Variants in TMC1 observed in about 807,000 individuals in gnomAD.
TMC1 encodes transmembrane channel-like protein 1.
TMC1 carries 84 observed loss-of-function variants against 105.8 expected under a neutral mutation model. That is an observed-to-expected ratio of 0.79 (90% CI 0.67 to 0.95). The LOEUF (loss-of-function observed/expected upper bound fraction) is 0.95, where lower values mean the gene tolerates loss of function less well. Ranked by LOEUF, TMC1 falls within the 40% of genes least tolerant of loss-of-function variation. TMC1 has a pLI of 0.00. For missense variants in TMC1, 817 were observed against 914.1 expected (o/e 0.89, Z 1.37); for synonymous variants, 315 against 311.5 (o/e 1.01, Z -0.12).
At chr9:72,794,416 A>G (rs1366040026) in intron 17 of TMC1, among the ~76,000 whole-genome samples, 1 of 152,182 alleles carries the variant, frequency 6.6e-6, no homozygotes, top group African/African-American at 2.4e-5. Context: ...GTGCGGCAAC[A>G]CAGGGGAGCC....
At chr9:72,599,773 G>A (rs945460078) in intron 2 of TMC1, among the ~76,000 whole-genome samples, 1 of 150,184 alleles carries the variant, frequency 6.7e-6, no homozygotes, top group Non-Finnish European at 1.5e-5. Flanking sequence ...TCATGCCATT[G>A]CACTCCAGCC....
At chr9:72,657,391 G>A (rs1269789544) in intron 5 of TMC1, among the ~76,000 whole-genome samples, 2 of 152,310 alleles carry the variant, frequency 1.3e-5, no homozygotes, top group Admixed American at 6.5e-5. Flanking sequence ...AGTTGCTTAA[G>A]GTAAGAAGGT....
chr9:72,583,881 GA>G (rs1485288288), intron 2 of TMC1, among the ~76,000 whole-genome samples: 1 of 152,140 alleles, frequency 6.6e-6, no homozygotes, highest in African/African-American at 2.4e-5. Context: ...ACAAATAAAT[GA>G]ATAAGTCAAT....
At chr9:72,523,793 C>A (rs1283782039) in intron 1 of TMC1, among the ~76,000 whole-genome samples, 1 of 151,792 alleles carries the variant, frequency 6.6e-6, no homozygotes, top group Non-Finnish European at 1.5e-5. Flanking sequence ...CTGACTTGTT[C>A]AGAGTCAACT....
At chr9:72,679,899 A>G (rs1564486784) in intron 5 of TMC1, among the ~76,000 whole-genome samples, 1 of 152,120 alleles carries the variant, frequency 6.6e-6, no homozygotes, top group Non-Finnish European at 1.5e-5. Context: ...AAAATTCTCC[A>G]TTAAATGGCA....
intron 5 of TMC1, chr9:72,651,092 TATATATATCAC>T (rs1825808186): frequency 6.8e-6 from 1 of 147,580 alleles, no homozygotes; most frequent in African/African-American, 2.5e-5. Flanking sequence ...AATATATAGA[TATATATATCAC>T]ATATATATAG....
At position 72,753,220 on chromosome 9, in the gene TMC1, C is replaced by T. The variant is rs139640689; in HGVS notation, c.642+1264C>T. 5.7e-3 allele frequency among the ~76,000 whole-genome samples: 863 copies of T among 151,114 alleles called. 10 individuals are homozygous for T. Among genetic ancestry groups the T allele is most frequent in the Middle Eastern group, 0.017 (5 of 286 alleles). Reference sequence around the variant, plus strand: ...TCAGAGGTCCTGTGTAGTTTATTTCCCAAGTGCACACTTTCAGGTAATGAA... The same window carrying T: ...TCAGAGGTCCTGTGTAGTTTATTTCTCAAGTGCACACTTTCAGGTAATGAA... On this transcript the variant is annotated intron_variant, in intron 11 of 23. Coordinates refer to ENST00000297784, the MANE Select transcript of TMC1 (RefSeq NM_138691.3).
intron 12 of TMC1, among the ~76,000 whole-genome samples, chr9:72,771,406 C>G (rs1051910078): frequency 1.3e-5 from 2 of 152,176 alleles, no homozygotes; most frequent in Non-Finnish European, 2.9e-5. Context: ...TTTCTACTTT[C>G]TTTTCCACAC....
At chr9:72,817,257 T>TATTATA (rs1828802630) in intron 19 of TMC1, 1 of 152,156 alleles carries the variant, frequency 6.6e-6, no homozygotes, top group African/African-American at 2.4e-5. Flanking sequence ...ATGGAAAAGA[T>TATTATA]ATTATAAAAA....
chr9:72,555,193 G>GTT (rs35020451), intron 1 of TMC1, among the ~76,000 whole-genome samples: 26 of 130,692 alleles, frequency 2.0e-4, no homozygotes, highest in Non-Finnish European at 3.4e-4. Context: ...TTTTGATTCT[G>GTT]TTTTTTTTTT....
At chr9:72,725,325 G>GTATA (rs57562145) in intron 8 of TMC1, among the ~76,000 whole-genome samples, 4,568 of 76,622 alleles carry the variant, frequency 0.06, 312 homozygotes, top group South Asian at 0.088. Context: ...ATGTGTGTAT[G>GTATA]TATATATATA....
In TMC1 at chr9:72,525,067, G is replaced by T. The variant is rs149118600; in HGVS notation, c.-428+3154G>T. Among the ~76,000 whole-genome samples the T allele has an allele frequency of 6.2e-3, 948 of 152,296 alleles. 5 individuals carry two copies. The highest frequency in any genetic ancestry group is 0.015 in the Admixed American group (224 of 15,290). On this transcript the variant is annotated intron_variant, in intron 1 of 23. Transcript: ENST00000297784. ...GGCCGGCTTCAAGGACATAAGAAAG[G>T]GCATATTCAAAACAAATACATGTAT...
At chr9:72,693,306 A>G (rs1826498814) in intron 6 of TMC1, among the ~76,000 whole-genome samples, 1 of 152,196 alleles carries the variant, frequency 6.6e-6, no homozygotes, top group Non-Finnish European at 1.5e-5. Flanking sequence ...ATATTTAACT[A>G]ATAAAACAAC....
At chr9:72,522,347 C>T (rs1823327992) in intron 1 of TMC1, among the ~76,000 whole-genome samples, 1 of 152,090 alleles carries the variant, frequency 6.6e-6, no homozygotes, top group East Asian at 1.9e-4. Flanking sequence ...GTGATCCGCC[C>T]GCCTCAGCCT....
chr9:72,755,501 A>G (rs1047558585), intron 12 of TMC1, among the ~76,000 whole-genome samples: 7 of 152,222 alleles, frequency 4.6e-5, no homozygotes, highest in African/African-American at 1.7e-4. Flanking sequence ...TAGTATTCAA[A>G]TGAGCATTAC....
chr9:72,707,623 C>A (rs1260352048), intron 8 of TMC1, among the ~76,000 whole-genome samples: 2 of 151,714 alleles, frequency 1.3e-5, no homozygotes, highest in Non-Finnish European at 2.9e-5. Context: ...ATTTTTCTTG[C>A]TAATTTGTTT....
At chr9:72,824,365 G>A (rs1564579423) in intron 20 of TMC1, among the ~76,000 whole-genome samples, 1 of 152,266 alleles carries the variant, frequency 6.6e-6, no homozygotes, top group Non-Finnish European at 1.5e-5. Context: ...GGGCCAGTGT[G>A]ACAGTCTTTC....
At position 72,792,243 on chromosome 9, in the gene TMC1, T is replaced by G; in HGVS notation, c.1457T>G (p.Met486Arg). The change falls in exon 17 of 24, where the codon ATG becomes AGG. Residue 486 changes from methionine to arginine, a missense_variant. Physicochemically the swap from Met to Arg is moderately conservative, Grantham distance 91 (BLOSUM62 -1). Coordinates refer to ENST00000297784, the MANE Select transcript of TMC1 (RefSeq NM_138691.3). ...KANITLWEANMIKAYNASFSE... is the reference protein window; with the variant it reads ...KANITLWEANRIKAYNASFSE... ...AATATTACCCTTTGGGAAGCCAATA[T>G]GATCAAGGCCTACAATGCATCATTC... The G allele has an allele frequency of 6.2e-7, 1 of 1,614,178 alleles. No homozygotes were observed. The highest frequency in any genetic ancestry group is 2.2e-5 in the East Asian group (1 of 44,870).
chr9:72,552,007 C>G (rs900789720), intron 1 of TMC1, among the ~76,000 whole-genome samples: 1 of 152,062 alleles, frequency 6.6e-6, no homozygotes, highest in East Asian at 1.9e-4. Context: ...TTTCAGAGGT[C>G]TAGCATCCAG....
Sources: gnomAD v4.1 joint callset for allele counts (sites outside exome capture counted in the v4.1 genomes callset) on GRCh38, gnomAD v4.1.1 for gene constraint, MANE v1.5 for transcripts, NCBI Gene and HGNC (gene_info 2026-07-23, HGNC 2026-07-21) for gene names.